The following ARHGAP24 variants were observed in gnomAD, a reference collection of about 807,000 sequenced individuals.
ARHGAP24 encodes Rho GTPase activating protein 24.
Under a neutral mutation model 76.4 loss-of-function variants are expected in ARHGAP24, and 50 were observed. The ratio of observed to expected loss-of-function variants is 0.65; its 90% CI spans 0.52 to 0.83. The LOEUF is 0.83. Among genes scored for constraint, ARHGAP24 ranks in the 40% least tolerant of loss-of-function variants. The pLI is 0.00. For synonymous variants in ARHGAP24, 345 were observed against 323.3 expected, an observed-to-expected ratio of 1.07 and a Z score of -0.72; for missense variants, 930 against 914.2, an observed-to-expected ratio of 1.02 and a Z score of -0.22.
intron 2 of ARHGAP24, among the ~76,000 whole-genome samples, chr4:85,582,188 A>C (rs1203105152): frequency 3.3e-5 from 5 of 152,290 alleles, no homozygotes; most frequent in African/African-American, 1.2e-4. Context: ...ATGAGCAGTA[A>C]TTCCATTTTC....
At chr4:85,699,495 G>A (rs772990468) in intron 2 of ARHGAP24, among the ~76,000 whole-genome samples, 11 of 152,096 alleles carry the variant, frequency 7.2e-5, no homozygotes, top group Non-Finnish European at 1.3e-4. Flanking sequence ...CCAGCTAGTT[G>A]GGAGGCTGAT....
chr4:85,871,891 G>A (rs918777003), intron 3 of ARHGAP24, among the ~76,000 whole-genome samples: 1 of 152,018 alleles, frequency 6.6e-6, no homozygotes, highest in African/African-American at 2.4e-5. Context: ...TCTAGTTATT[G>A]GATGACATTA....
chr4:85,503,466 T>C (rs1256571477), intron 1 of ARHGAP24, among the ~76,000 whole-genome samples: 1 of 152,216 alleles, frequency 6.6e-6, no homozygotes. Context: ...TGTTCAGAAA[T>C]TTATCCATTT....
At chr4:85,759,495 G>A (rs1390287453) in intron 3 of ARHGAP24, among the ~76,000 whole-genome samples, 1 of 152,124 alleles carries the variant, frequency 6.6e-6, no homozygotes, top group Non-Finnish European at 1.5e-5. Flanking sequence ...CAAAGAAATT[G>A]AACTCAGATT....
intron 2 of ARHGAP24, among the ~76,000 whole-genome samples, chr4:85,612,443 CAAAAAA>C (rs202064444): frequency 6.9e-6 from 1 of 144,318 alleles, no homozygotes; most frequent in African/African-American, 2.6e-5. Context: ...GACTCTGTTT[CAAAAAA>C]AAAAGACCAA....
chr4:85,658,157 C>G (rs2109989063), intron 2 of ARHGAP24, among the ~76,000 whole-genome samples: 1 of 152,250 alleles, frequency 6.6e-6, no homozygotes, highest in Non-Finnish European at 1.5e-5. Context: ...CTCTTTTTCT[C>G]TCCATTAATG....
At chr4:85,828,530 A>T (rs2601847) in intron 3 of ARHGAP24, among the ~76,000 whole-genome samples, 33,249 of 133,372 alleles carry the variant, frequency 0.25, 4,660 homozygotes, top group Non-Finnish European at 0.38. Context: ...TTTTTTTTTA[A>T]AAAAAGCCAA....
intron 5 of ARHGAP24, among the ~76,000 whole-genome samples, chr4:85,970,495 G>A (rs993393311): frequency 6.6e-6 from 1 of 152,050 alleles, no homozygotes; most frequent in Non-Finnish European, 1.5e-5. Context: ...TTAAACCCCT[G>A]AGGTCCTAGC....
intron 2 of ARHGAP24, among the ~76,000 whole-genome samples, chr4:85,682,506 TATGGCCAC>T (rs1187148338): frequency 2.6e-5 from 4 of 152,128 alleles, no homozygotes; most frequent in Admixed American, 6.6e-5. Flanking sequence ...GGCCTTCTCA[TATGGCCAC>T]ATGCAGACCA....
intron 3 of ARHGAP24, among the ~76,000 whole-genome samples, chr4:85,826,846 G>T (rs1028560340): frequency 1.6e-4 from 24 of 152,204 alleles, no homozygotes; most frequent in African/African-American, 5.8e-4. Context: ...TCTAAAGGGT[G>T]AGAATAATTT....
In ARHGAP24 at chr4:86,001,623, A is replaced by T; in HGVS notation, c.*901A>T. 2.5e-6 allele frequency: 1 copy of T among 392,780 alleles called. No homozygotes were observed. The highest frequency in any genetic ancestry group is 4.5e-6 in the Non-Finnish European group (1 of 223,058). 24.3% of individuals were successfully genotyped at this position (392,780 alleles called of 1,614,324 possible). On this transcript the variant is annotated 3_prime_UTR_variant, in exon 10 of 10. Coordinates refer to ENST00000395184, the MANE Select transcript of ARHGAP24 (RefSeq NM_001025616.3). The stretch of plus-strand genomic sequence containing the variant: ...AGGTACTGGGAAACAATGCTTGCTA[A>T]ACCATGCCCACGTGAGCACCTGTCT...
At chr4:85,818,669 CA>C (rs1729345326) in intron 3 of ARHGAP24, among the ~76,000 whole-genome samples, 1 of 152,166 alleles carries the variant, frequency 6.6e-6, no homozygotes, top group Non-Finnish European at 1.5e-5. Context: ...TTGCTGACCA[CA>C]ACAGTCAGGA....
Position 85,522,722 on chromosome 4 carries a change from C to T in ARHGAP24, c.-21+47163C>T, listed in dbSNP as rs554119930. On this transcript the variant is annotated intron_variant, in intron 1 of 9. Transcript: ENST00000395184. The stretch of plus-strand genomic sequence containing the variant: ...GTTTTATATTTCATAACTGACAGAG[C>T]CAAGATTTGAACTCAGATATCTGGC... Among the ~76,000 whole-genome samples, 4 of 152,220 alleles carry T rather than the reference C, an allele frequency of 2.6e-5. No homozygotes were observed. The South Asian group carries it at 8.3e-4, about 32-fold the overall frequency.
intron 3 of ARHGAP24, among the ~76,000 whole-genome samples, chr4:85,741,447 C>A (rs546811010): frequency 1.2e-4 from 19 of 152,230 alleles, no homozygotes; most frequent in African/African-American, 4.6e-4. Flanking sequence ...AGTTTTACAG[C>A]GATATCATTA....
intron 1 of ARHGAP24, 48 bp from the exon 2 acceptor site, chr4:85,570,474 T>A: frequency 6.9e-7 from 1 of 1,452,852 alleles, no homozygotes; most frequent in Non-Finnish European, 9.5e-7. Context: ...GGGAGTTGAA[T>A]ATAACAGAGC....
intron 2 of ARHGAP24, among the ~76,000 whole-genome samples, chr4:85,707,636 G>A (rs965670348): frequency 6.6e-6 from 1 of 152,064 alleles, no homozygotes; most frequent in Non-Finnish European, 1.5e-5. Context: ...GTTGAAAAGA[G>A]TTTCTGCTCT....
At chr4:85,935,632 G>A (rs1447170660) in intron 4 of ARHGAP24, among the ~76,000 whole-genome samples, 1 of 152,154 alleles carries the variant, frequency 6.6e-6, no homozygotes, top group Non-Finnish European at 1.5e-5. Flanking sequence ...CTTTCTAGAT[G>A]TGTGACCTCA....
At chr4:85,566,068 A>G (rs988332875) in intron 1 of ARHGAP24, among the ~76,000 whole-genome samples, 10 of 152,232 alleles carry the variant, frequency 6.6e-5, no homozygotes, top group Admixed American at 2.0e-4. Flanking sequence ...GTGGTACAGT[A>G]GCCATCATTA....
intron 3 of ARHGAP24, among the ~76,000 whole-genome samples, chr4:85,857,486 A>C (rs1731646648): frequency 6.6e-6 from 1 of 152,192 alleles, no homozygotes; most frequent in African/African-American, 2.4e-5. Flanking sequence ...AATTATCATC[A>C]AGATCAATTA....
Sources: gnomAD v4.1 joint callset for allele counts (sites outside exome capture counted in the v4.1 genomes callset) on GRCh38, gnomAD v4.1.1 for gene constraint, MANE v1.5 for transcripts, NCBI Gene and HGNC (gene_info 2026-07-23, HGNC 2026-07-21) for gene names.